The following PHF24 variants were observed in gnomAD, a reference collection of about 807,000 sequenced individuals.
PHF24 encodes Galpha inhibitory interacting protein.
PHF24 carries 25 observed loss-of-function variants against 42.6 expected under a neutral mutation model. That is an observed-to-expected ratio of 0.59 (90% CI 0.43 to 0.82). The LOEUF (loss-of-function observed/expected upper bound fraction) is 0.82. Among genes scored for constraint, PHF24 ranks in the 40% least tolerant of loss-of-function variants. The pLI is 0.00. For missense variants in PHF24, 470 were observed against 538.1 expected (o/e 0.87, Z 1.25); for synonymous variants, 185 against 204.8 (o/e 0.90, Z 0.83).
the PHF24 span, among the ~76,000 whole-genome samples, chr9:34,750,911 C>G: frequency 1.3e-5 from 2 of 151,976 alleles, no homozygotes; most frequent in Admixed American, 6.6e-5. Context: ...TGTGAATGGA[C>G]TAAACTCTTC....
chr9:34,696,630 T>G, the PHF24 span, among the ~76,000 whole-genome samples: 1 of 151,308 alleles, frequency 6.6e-6, no homozygotes, highest in Admixed American at 6.6e-5. Flanking sequence ...CATGTATGAG[T>G]GATGATGCCC....
At chr9:34,970,874 C>T (rs1826949044) in intron 1 of PHF24, among the ~76,000 whole-genome samples, 1 of 152,154 alleles carries the variant, frequency 6.6e-6, no homozygotes, top group African/African-American at 2.4e-5. Context: ...TTACATTATC[C>T]TTGTAACATC....
the PHF24 span, among the ~76,000 whole-genome samples, chr9:34,909,896 G>C: frequency 6.6e-6 from 1 of 152,184 alleles, no homozygotes; most frequent in African/African-American, 2.4e-5. Context: ...CAAAGTGCTG[G>C]GATTACAGGC....
At chr9:34,863,947 A>G in the PHF24 span, among the ~76,000 whole-genome samples, 2 of 152,268 alleles carry the variant, frequency 1.3e-5, no homozygotes, top group Non-Finnish European at 2.9e-5. Context: ...TAACAAAGCA[A>G]TTGAAATAAT....
chr9:34,930,846 G>C, the PHF24 span, among the ~76,000 whole-genome samples: 1 of 152,120 alleles, frequency 6.6e-6, no homozygotes, highest in Non-Finnish European at 1.5e-5. Context: ...GAATAAATTG[G>C]GAAACTGCAT....
At chr9:34,824,163 G>A in the PHF24 span, among the ~76,000 whole-genome samples, 6 of 152,204 alleles carry the variant, frequency 3.9e-5, no homozygotes, top group Non-Finnish European at 1.5e-5. Context: ...TCAGCTCAAG[G>A]GCTGGGCTAG....
chr9:34,791,048 C>T, the PHF24 span, among the ~76,000 whole-genome samples: 5 of 152,200 alleles, frequency 3.3e-5, no homozygotes, highest in South Asian at 2.1e-4. Context: ...ATTCTAAGTA[C>T]GATGTAAAAC....
the PHF24 span, chr9:34,832,635 T>A: frequency 5.8e-6 from 9 of 1,540,776 alleles, no homozygotes; most frequent in East Asian, 2.2e-4. Context: ...TGTCTTGGGG[T>A]TAATACACTC....
the PHF24 span, among the ~76,000 whole-genome samples, chr9:34,843,123 A>G: frequency 4.6e-5 from 7 of 152,350 alleles, no homozygotes; most frequent in African/African-American, 1.7e-4. Flanking sequence ...CTAGAAATCC[A>G]TAAATGTTGG....
At chr9:34,822,795 T>C in the PHF24 span, among the ~76,000 whole-genome samples, 1 of 152,194 alleles carries the variant, frequency 6.6e-6, no homozygotes, top group East Asian at 1.9e-4. Context: ...AGGATTCTGC[T>C]GTGCAGGTAG....
chr9:34,669,558 G>A, the PHF24 span, among the ~76,000 whole-genome samples: 6 of 151,286 alleles, frequency 4.0e-5, no homozygotes, highest in African/African-American at 1.2e-4. Flanking sequence ...GAGGTTGGAT[G>A]GGGAGAGCAA....
At chr9:34,741,419 ATG>A in the PHF24 span, among the ~76,000 whole-genome samples, 1 of 150,636 alleles carries the variant, frequency 6.6e-6, no homozygotes, top group Non-Finnish European at 1.5e-5. Flanking sequence ...CTGGAGTGCA[ATG>A]CTATGATCTT....
the PHF24 span, among the ~76,000 whole-genome samples, chr9:34,947,651 A>C: frequency 3.9e-5 from 6 of 152,254 alleles, no homozygotes; most frequent in Admixed American, 6.5e-5. Context: ...TGACAGCTCC[A>C]GGCCTGTTAT....
At chr9:34,789,229 G>A in the PHF24 span, among the ~76,000 whole-genome samples, 1 of 152,220 alleles carries the variant, frequency 6.6e-6, no homozygotes, top group Admixed American at 6.5e-5. Flanking sequence ...ACCTAATGCA[G>A]AACTCTCGGG....
At chr9:34,846,791 G>A in the PHF24 span, among the ~76,000 whole-genome samples, 1 of 152,156 alleles carries the variant, frequency 6.6e-6, no homozygotes, top group African/African-American at 2.4e-5. Context: ...GTGTAAGGAA[G>A]GGATCCAGTT....
At chr9:34,802,158 A>G in the PHF24 span, among the ~76,000 whole-genome samples, 1 of 152,002 alleles carries the variant, frequency 6.6e-6, no homozygotes, top group Non-Finnish European at 1.5e-5. Context: ...CTTCCTTTTA[A>G]TCTGCCCATC....
the PHF24 span, among the ~76,000 whole-genome samples, chr9:34,780,225 G>A: frequency 3.3e-5 from 5 of 151,364 alleles, no homozygotes; most frequent in African/African-American, 1.2e-4. Flanking sequence ...GAAAATATGG[G>A]GAGAAATCTT....
chr9:34,904,322 T>G, the PHF24 span, among the ~76,000 whole-genome samples: 7 of 152,160 alleles, frequency 4.6e-5, no homozygotes, highest in African/African-American at 1.7e-4. Flanking sequence ...GGGAATACTT[T>G]CAACCTTTCC....
At chr9:34,922,534 C>G in the PHF24 span, 3 of 1,014,222 alleles carry the variant, frequency 3.0e-6, no homozygotes, top group Non-Finnish European at 4.7e-6. Flanking sequence ...GCAACCTCAG[C>G]CAAGTAATGG....
Sources: allele counts gnomAD v4.1 joint callset (sites outside exome capture counted in the v4.1 genomes callset), GRCh38; gene constraint gnomAD v4.1.1; transcripts MANE v1.5; gene names NCBI Gene and HGNC (gene_info 2026-07-23, HGNC 2026-07-21).